Variants in TDRD3 observed in about 807,000 individuals in gnomAD.
TDRD3 encodes tudor domain-containing protein 3.
TDRD3 carries 45 observed loss-of-function variants against 86.7 expected under a neutral mutation model. The observed-to-expected ratio is 0.52, with a 90% CI of 0.41 to 0.67. TDRD3 has a LOEUF of 0.67. Ranked by LOEUF, TDRD3 falls within the 30% of genes least tolerant of loss-of-function variation. TDRD3 has a pLI of 0.00. For synonymous variants in TDRD3, 298 were observed against 301.7 expected (o/e 0.99, Z 0.13); for missense variants, 814 against 889.0 (o/e 0.92, Z 1.07).
intron 8 of TDRD3, among the ~76,000 whole-genome samples, chr13:60,498,310 A>G (rs1222804985): frequency 6.6e-6 from 1 of 152,190 alleles, no homozygotes; most frequent in East Asian, 1.9e-4. Context: ...CAGTCACTCA[A>G]CTACAAAATT....
intron 5 of TDRD3, among the ~76,000 whole-genome samples, chr13:60,469,431 CACAT>C (rs576506948): frequency 4.5e-4 from 63 of 138,534 alleles, no homozygotes; most frequent in Admixed American, 8.2e-4. Flanking sequence ...CACACACACA[CACAT>C]ACACACACAC....
chr13:60,516,549 A>G (rs1424928787), intron 10 of TDRD3, among the ~76,000 whole-genome samples: 5 of 152,190 alleles, frequency 3.3e-5, no homozygotes, highest in Non-Finnish European at 7.3e-5. Flanking sequence ...AACTAATTCC[A>G]CCACTAAACT....
intron 7 of TDRD3, among the ~76,000 whole-genome samples, chr13:60,493,288 T>C (rs1158529727): frequency 6.6e-6 from 1 of 152,188 alleles, no homozygotes; most frequent in Non-Finnish European, 1.5e-5. Context: ...TGTAATCATT[T>C]TAAAACATAT....
intron 1 of TDRD3, among the ~76,000 whole-genome samples, chr13:60,416,713 C>G (rs2137850114): frequency 6.6e-6 from 1 of 152,252 alleles, no homozygotes; most frequent in East Asian, 1.9e-4. Context: ...CAGTGACCTT[C>G]CAGTTGTGAG....
At position 60,485,836 on chromosome 13, in the gene TDRD3, T is replaced by C; in HGVS notation, c.605T>C (p.Leu202Pro). 6.2e-7 allele frequency: 1 copy of C among 1,609,004 alleles called. No individual in the cohort carries two copies. Among genetic ancestry groups the C allele is most frequent in the African/African-American group, 1.3e-5 (1 of 74,728 alleles). Residue 202 changes from leucine to proline, a missense_variant, in exon 7 of 14, where the codon CTT (leucine) becomes CCT (proline). By Grantham distance (98) the Leu-to-Pro change is moderately conservative. Transcript: ENST00000377881. ...CATGTCCAAGTGGATAGCAGAGAAC[T>C]TGATCGAAGAAAAACATTGCAAGTT... ...VSHVQVDSRE[L>P]DRRKTLQVTM... is the part of the protein sequence containing the mutation.
chr13:60,554,257 A>T (rs985126283), intron 12 of TDRD3, among the ~76,000 whole-genome samples: 17 of 152,186 alleles, frequency 1.1e-4, no homozygotes, highest in African/African-American at 4.1e-4. Context: ...CAGCTTTTAA[A>T]AGACTGTCAT....
intron 12 of TDRD3, among the ~76,000 whole-genome samples, chr13:60,540,427 G>A (rs1957785094): frequency 6.6e-6 from 1 of 152,216 alleles, no homozygotes; most frequent in East Asian, 1.9e-4. Flanking sequence ...ATTTTTGTGG[G>A]AGGTTGCGGA....
chr13:60,554,941 T>C (rs1248882371), intron 12 of TDRD3, among the ~76,000 whole-genome samples: 2 of 152,192 alleles, frequency 1.3e-5, no homozygotes, highest in African/African-American at 4.8e-5. Context: ...AGAAATAGAA[T>C]CATTACACCA....
intron 5 of TDRD3, among the ~76,000 whole-genome samples, chr13:60,474,227 T>A (rs1461902080): frequency 1.3e-5 from 2 of 152,190 alleles, no homozygotes; most frequent in Non-Finnish European, 2.9e-5. Context: ...AGGGCCCCTC[T>A]GGTGGACACG....
intron 13 of TDRD3, among the ~76,000 whole-genome samples, chr13:60,567,890 ATTTTTT>A (rs58242240): frequency 7.5e-6 from 1 of 132,932 alleles, no homozygotes; most frequent in Non-Finnish European, 1.6e-5. Flanking sequence ...TGCCCAGCTG[ATTTTTT>A]TTTTTTTTTT....
intron 10 of TDRD3, among the ~76,000 whole-genome samples, chr13:60,511,312 A>G (rs749725948): frequency 3.9e-4 from 60 of 152,252 alleles, no homozygotes; most frequent in Non-Finnish European, 7.9e-4. Context: ...TTAAGGAAAT[A>G]TACTTTTAAA....
chr13:60,549,582 G>GTGTGCACGTGTA (rs144047424), intron 12 of TDRD3, among the ~76,000 whole-genome samples: 2 of 152,134 alleles, frequency 1.3e-5, no homozygotes, highest in Admixed American at 1.3e-4. Flanking sequence ...ACACGTGTGT[G>GTGTGCACGTGTA]TGTGCACGTG....
intron 11 of TDRD3, among the ~76,000 whole-genome samples, chr13:60,529,636 A>C (rs1312830049): frequency 6.6e-6 from 1 of 152,124 alleles, no homozygotes; most frequent in Non-Finnish European, 1.5e-5. Context: ...AATAGTACAC[A>C]TTCAGCTTAC....
intron 3 of TDRD3, among the ~76,000 whole-genome samples, chr13:60,449,647 A>G (rs1304892394): frequency 1.3e-5 from 2 of 152,202 alleles, no homozygotes; most frequent in Non-Finnish European, 2.9e-5. Context: ...CTTTCAGGGA[A>G]TCTTACGTTT....
chr13:60,528,407 C>T lies in TDRD3; in HGVS notation c.1182C>T (p.Tyr394=), dbSNP rs903396617. ...CACAGCAGCTTCATCAGGGACAATACAGATCATCAAATACTGAGCAAAATG... is the reference window on the plus strand; with the variant it reads ...CACAGCAGCTTCATCAGGGACAATATAGATCATCAAATACTGAGCAAAATG... The part of the protein sequence containing the change: ...SQPQQLHQGQ[Y]RSSNTEQNGV... The change falls in exon 11 of 14, where the codon TAC becomes TAT. Residue 394 remains tyrosine (Y), a synonymous_variant. Transcript: ENST00000377881. The T allele has an allele frequency of 6.2e-7, 1 of 1,613,566 alleles. No homozygotes were observed. Among genetic ancestry groups the T allele is most frequent in the Non-Finnish European group, 8.5e-7 (1 of 1,179,816 alleles).
intron 8 of TDRD3, among the ~76,000 whole-genome samples, chr13:60,505,349 C>T (rs1172752922): frequency 2.6e-5 from 4 of 152,174 alleles, no homozygotes; most frequent in Non-Finnish European, 4.4e-5. Flanking sequence ...CAGAGTCCAC[C>T]GCAGCTTGGC....
At chr13:60,448,638 G>C (rs1354904512) in intron 3 of TDRD3, among the ~76,000 whole-genome samples, 1 of 152,098 alleles carries the variant, frequency 6.6e-6, no homozygotes, top group Non-Finnish European at 1.5e-5. Context: ...ATTGTGACTG[G>C]AAGGAAGTGT....
At chr13:60,498,313 A>G (rs1250173327) in intron 8 of TDRD3, among the ~76,000 whole-genome samples, 1 of 152,178 alleles carries the variant, frequency 6.6e-6, no homozygotes, top group Non-Finnish European at 1.5e-5. Flanking sequence ...TCACTCAACT[A>G]CAAAATTTAA....
chr13:60,421,636 C>T (rs1041840394), intron 1 of TDRD3, among the ~76,000 whole-genome samples: 5 of 152,158 alleles, frequency 3.3e-5, no homozygotes, highest in East Asian at 1.9e-4. Flanking sequence ...TGACTTCACA[C>T]CTAAGCAAAA....
Sources: allele counts gnomAD v4.1 joint callset (sites outside exome capture counted in the v4.1 genomes callset), GRCh38; gene constraint gnomAD v4.1.1; transcripts MANE v1.5; gene names NCBI Gene and HGNC (gene_info 2026-07-23, HGNC 2026-07-21).